Variants in STOM observed in about 807,000 individuals in gnomAD.
STOM encodes erythrocyte band 7 integral membrane protein.
In STOM, 25 loss-of-function variants were observed where a neutral mutation model predicts 30.6. The ratio of observed to expected loss-of-function variants is 0.82; its 90% CI spans 0.60 to 1.14. STOM has a LOEUF of 1.14. Among genes scored for constraint, STOM ranks in the 50% most tolerant of loss-of-function variants. The probability of loss-of-function intolerance (pLI) is 0.00; values close to 1 mark genes in which losing one functional copy is unlikely to be tolerated. For synonymous variants in STOM, 118 were observed against 130.8 expected, an observed-to-expected ratio of 0.90 and a Z score of 0.67; for missense variants, 292 against 365.2, an observed-to-expected ratio of 0.80 and a Z score of 1.63.
In STOM at chr9:121,339,711, T is replaced by G. The variant is rs2064229372; in HGVS notation, c.*1491A>C. 2 of 1,231,186 alleles carry G rather than the reference T, an allele frequency of 1.6e-6. No individual in the cohort carries two copies. The highest frequency in any genetic ancestry group is 6.3e-5 in the East Asian group (2 of 31,674). The allele number at this position is 1,231,186 out of a possible 1,614,324, so 76.3% of individuals were successfully genotyped here. ...CCAGGTTGCTCAGATTCACAGACATTTGCAAAACAGAAGATGTCTCCTAAT... is the reference window on the plus strand; with the variant it reads ...CCAGGTTGCTCAGATTCACAGACATGTGCAAAACAGAAGATGTCTCCTAAT... On this transcript the variant is annotated 3_prime_UTR_variant, in exon 7 of 7. Coordinates refer to ENST00000286713, the MANE Select transcript of STOM (RefSeq NM_004099.6).
At chr9:121,357,775 T>G (rs1046247714) in intron 1 of STOM, among the ~76,000 whole-genome samples, 2 of 152,060 alleles carry the variant, frequency 1.3e-5, no homozygotes, top group African/African-American at 4.8e-5. Context: ...ATAAATAAAA[T>G]GTGTAACCTA....
intron 2 of STOM, among the ~76,000 whole-genome samples, chr9:121,355,232 A>AAT (rs1491561870): frequency 3.6e-5 from 4 of 110,380 alleles, no homozygotes; most frequent in African/African-American, 1.3e-4. Context: ...ACTCCGTCTC[A>AAT]AAAAAAAAAA....
intron 1 of STOM, among the ~76,000 whole-genome samples, chr9:121,359,353 G>C (rs1344049121): frequency 6.6e-6 from 1 of 152,172 alleles, no homozygotes; most frequent in Non-Finnish European, 1.5e-5. Flanking sequence ...TGACTTGGTA[G>C]TTTTCTGATC....
Position 121,370,149 on chromosome 9 carries a change from C to G in STOM, c.39G>C (p.Gln13His), listed in dbSNP as rs902162136. ...EKRHTRDSEAQRLPDSFKDSP... is the reference protein window; with the variant it reads ...EKRHTRDSEAHRLPDSFKDSP... ...CACCCTTGAAGGAGTCGGGGAGCCG[C>G]TGGGCTTCGGAGTCCCGTGTGTGCC... Residue 13 changes from glutamine to histidine, a missense_variant, in exon 1 of 7, where the codon CAG (glutamine) becomes CAC (histidine). By Grantham distance (24) the Gln-to-His change is conservative. Transcript: ENST00000286713. The G allele has an allele frequency of 5.8e-6, 9 of 1,547,062 alleles. No individual in the cohort carries two copies. In the Admixed American group the frequency reaches 1.8e-4, roughly 30 times the overall value.
At chr9:121,366,303 G>A in intron 1 of STOM, 1 of 954,896 alleles carries the variant, frequency 1.0e-6, no homozygotes, top group East Asian at 1.2e-4. Context: ...ACAAGTGTGT[G>A]TCAATAGAAA....
chr9:121,362,396 A>G (rs552652324), intron 1 of STOM, among the ~76,000 whole-genome samples: 2 of 152,248 alleles, frequency 1.3e-5, no homozygotes, highest in South Asian at 2.1e-4. Context: ...TGTTATGAAC[A>G]TTTTTTCATA....
At chr9:121,367,204 AC>A (rs56895248) in intron 1 of STOM, among the ~76,000 whole-genome samples, 13,785 of 152,214 alleles carry the variant, frequency 0.091, 914 homozygotes, top group African/African-American at 0.18. Context: ...AAGGGTATTC[AC>A]TTTTTTTGTA....
intron 1 of STOM, 57 bp from the exon 2 acceptor site, chr9:121,356,213 A>G (rs2064388946): frequency 1.4e-6 from 2 of 1,426,076 alleles, no homozygotes; most frequent in Admixed American, 1.8e-5. Flanking sequence ...AATCACCACC[A>G]TCTTCATCCT....
chr9:121,341,497 T>C, intron 6 of STOM, 89 bp from the exon 7 acceptor site: 1 of 1,558,418 alleles, frequency 6.4e-7, no homozygotes, highest in Non-Finnish European at 8.7e-7. Context: ...ATACCTCAGG[T>C]GGTCCACAAA....
chr9:121,351,299 C>T (rs1350031078), intron 4 of STOM, among the ~76,000 whole-genome samples: 3 of 152,236 alleles, frequency 2.0e-5, no homozygotes, highest in Non-Finnish European at 4.4e-5. Flanking sequence ...ACAGAGAATA[C>T]AGTGATACTC....
In STOM at chr9:121,339,379, T is replaced by A; in HGVS notation, c.*1823A>T. 2 of 423,340 alleles carry A rather than the reference T, an allele frequency of 4.7e-6. No individual in the cohort carries two copies. The highest frequency in any genetic ancestry group is 7.4e-6 in the Non-Finnish European group (2 of 270,034). The allele number at this position is 423,340 out of a possible 1,614,324, so 26.2% of individuals were successfully genotyped here. ...CCACTTCACACAACAGATAAAACCA[T>A]CATTTTAAAATTCAAAATGTAAGTG... On this transcript the variant is annotated 3_prime_UTR_variant, in exon 7 of 7. Coordinates refer to ENST00000286713, the MANE Select transcript of STOM (RefSeq NM_004099.6).
chr9:121,345,777 G>A (rs968238615), intron 6 of STOM, among the ~76,000 whole-genome samples: 2 of 152,068 alleles, frequency 1.3e-5, no homozygotes, highest in Admixed American at 6.5e-5. Context: ...AAACTCTTAA[G>A]AATGCTATGG....
rs754816921 is a variant in STOM, at chr9:121,340,226, T to A, written c.*976A>T. ...GGAATCATTTACTCATAAAGAAGGC[T>A]CAAATAAGTTAAAACATGGATGTAT... On this transcript the variant is annotated 3_prime_UTR_variant, in exon 7 of 7. Coordinates refer to ENST00000286713, the MANE Select transcript of STOM (RefSeq NM_004099.6). 3.4e-4 allele frequency: 335 copies of A among 985,394 alleles called. No homozygotes were observed. The highest frequency in any genetic ancestry group is 5.2e-4 in the Middle Eastern group (1 of 1,914). The allele number at this position is 985,394 out of a possible 1,614,324, so 61.0% of individuals were successfully genotyped here. A position where few individuals can be genotyped will look rare whatever the true frequency, so the allele number is the denominator to read the frequency against.
intron 5 of STOM, 92 bp downstream of exon 5, chr9:121,349,028 A>G (rs1274792437): frequency 1.4e-6 from 2 of 1,421,438 alleles, no homozygotes; most frequent in African/African-American, 2.9e-5. Context: ...AGACCCCCAC[A>G]ACTTGAATTA....
intron 1 of STOM, among the ~76,000 whole-genome samples, chr9:121,364,907 G>A (rs745811785): frequency 1.3e-5 from 2 of 152,146 alleles, no homozygotes; most frequent in Non-Finnish European, 2.9e-5. Flanking sequence ...AGCATAATAG[G>A]TTCACAGATG....
At position 121,370,222 on chromosome 9, in the gene STOM, G is replaced by T; in HGVS notation, c.-35C>A. On this transcript the variant is annotated 5_prime_UTR_variant, in exon 1 of 7. Transcript: ENST00000286713. ...GACGCAGTCGCACTCCCCCGTCCTC[G>T]TTGCCAAACCCGGAGCCGCCGGGAA... The T allele has an allele frequency of 6.5e-7, 1 of 1,536,636 alleles. No homozygotes were observed. Among genetic ancestry groups the T allele is most frequent in the South Asian group, 1.2e-5 (1 of 83,644 alleles).
intron 3 of STOM, among the ~76,000 whole-genome samples, chr9:121,353,815 C>G (rs553699023): frequency 6.6e-6 from 1 of 152,092 alleles, no homozygotes; most frequent in Non-Finnish European, 1.5e-5. Flanking sequence ...TTGCTATTTC[C>G]GCCGCAAACA....
At chr9:121,344,550 T>C (rs753029782) in intron 6 of STOM, among the ~76,000 whole-genome samples, 13 of 152,194 alleles carry the variant, frequency 8.5e-5, no homozygotes, top group Non-Finnish European at 1.3e-4. Context: ...ACTCCGTTGA[T>C]AGGATCTTAG....
At chr9:121,363,411 T>C (rs2064472720) in intron 1 of STOM, among the ~76,000 whole-genome samples, 1 of 152,214 alleles carries the variant, frequency 6.6e-6, no homozygotes, top group Non-Finnish European at 1.5e-5. Flanking sequence ...TTGGCCACTA[T>C]GATTCTTCAT....
Sources: allele counts gnomAD v4.1 joint callset (sites outside exome capture counted in the v4.1 genomes callset), GRCh38; gene constraint gnomAD v4.1.1; transcripts MANE v1.5; gene names NCBI Gene and HGNC (gene_info 2026-07-23, HGNC 2026-07-21).